Variants in ZNF407 observed in about 807,000 individuals in gnomAD.
The protein encoded by ZNF407 is zinc finger protein 407.
ZNF407 carries 17 observed loss-of-function variants against 131.2 expected under a neutral mutation model. That is an observed-to-expected ratio of 0.13 (90% CI 0.09 to 0.19). The LOEUF is 0.19. Ranked by LOEUF, ZNF407 falls within the 10% of genes least tolerant of loss-of-function variation. The probability of loss-of-function intolerance (pLI) is 1.00; values close to 1 mark genes in which losing one functional copy is unlikely to be tolerated. For synonymous variants in ZNF407, 1,156 were observed against 1,062.0 expected (o/e 1.09, Z -1.72); for missense variants, 2,681 against 2,830.6 (o/e 0.95, Z 1.20).
intron 3 of ZNF407, among the ~76,000 whole-genome samples, chr18:74,684,538 G>T (rs1423882025): frequency 6.6e-6 from 1 of 152,186 alleles, no homozygotes; most frequent in East Asian, 1.9e-4. Context: ...GCACAATTCA[G>T]TGGGAAACTT....
intron 7 of ZNF407, among the ~76,000 whole-genome samples, chr18:74,920,242 A>G (rs1401223470): frequency 6.6e-6 from 1 of 152,164 alleles, no homozygotes; most frequent in Non-Finnish European, 1.5e-5. Flanking sequence ...TGGTACCAGA[A>G]TAATTTGATA....
At chr18:75,041,052 C>G (rs1973366654) in intron 8 of ZNF407, among the ~76,000 whole-genome samples, 2 of 152,194 alleles carry the variant, frequency 1.3e-5, no homozygotes, top group African/African-American at 4.8e-5. Context: ...GCCAAGCATG[C>G]ACTACGGGGC....
chr18:74,992,767 A>G (rs1972733816), intron 8 of ZNF407, among the ~76,000 whole-genome samples: 2 of 152,230 alleles, frequency 1.3e-5, no homozygotes, highest in South Asian at 4.1e-4. Context: ...GATTTTTGGG[A>G]TGGGCACAAA....
chr18:74,926,058 A>G (rs1199851054), intron 8 of ZNF407, among the ~76,000 whole-genome samples: 3 of 152,142 alleles, frequency 2.0e-5, no homozygotes, highest in Non-Finnish European at 4.4e-5. Context: ...TGATTCTTTA[A>G]CCTCAGACAT....
intron 4 of ZNF407, among the ~76,000 whole-genome samples, chr18:74,827,205 T>A (rs1184743301): frequency 2.6e-5 from 4 of 152,172 alleles, no homozygotes; most frequent in South Asian, 4.1e-4. Flanking sequence ...AGTATGTATT[T>A]TGGTATTGAA....
chr18:74,849,521 T>A (rs1464157572), intron 4 of ZNF407, among the ~76,000 whole-genome samples: 3 of 152,122 alleles, frequency 2.0e-5, no homozygotes, highest in Non-Finnish European at 4.4e-5. Flanking sequence ...AAGTGTGTGG[T>A]CAGGGGTGGG....
rs997114488 is a variant in ZNF407, at chr18:74,831,376, G to C, written c.4878-45821G>C. Among the ~76,000 whole-genome samples the C allele has an allele frequency of 1.2e-4, 19 of 152,220 alleles. No individual in the cohort carries two copies. In the South Asian group the frequency reaches 3.1e-3, roughly 25 times the overall value. ...CCATCTCTTGAACTGTTTTCTTCTT[G>C]CAAAATGGAAACTGTGTATCCTTTA... On this transcript the variant is annotated intron_variant, in intron 4 of 8. Transcript: ENST00000299687.
chr18:74,731,266 T>C (rs1215611430), intron 3 of ZNF407, among the ~76,000 whole-genome samples: 1 of 152,208 alleles, frequency 6.6e-6, no homozygotes, highest in East Asian at 1.9e-4. Flanking sequence ...TAAGCTTCCT[T>C]TAATTTAGAA....
chr18:74,858,436 C>T (rs1018812495), intron 4 of ZNF407, among the ~76,000 whole-genome samples: 1 of 152,160 alleles, frequency 6.6e-6, no homozygotes, highest in Non-Finnish European at 1.5e-5. Flanking sequence ...GGTAGCCATA[C>T]TACCTATCCT....
intron 8 of ZNF407, among the ~76,000 whole-genome samples, chr18:74,978,618 C>G (rs920989141): frequency 2.0e-5 from 3 of 151,264 alleles, no homozygotes; most frequent in African/African-American, 7.3e-5. Context: ...GGCTCTTTAG[C>G]GAGGAGGGAC....
chr18:74,743,786 T>G (rs1026858077), intron 3 of ZNF407, among the ~76,000 whole-genome samples: 1 of 152,028 alleles, frequency 6.6e-6, no homozygotes, highest in Non-Finnish European at 1.5e-5. Flanking sequence ...ATATTGTGAT[T>G]TATTAAAGGC....
intron 7 of ZNF407, among the ~76,000 whole-genome samples, chr18:74,918,844 T>C (rs1401471300): frequency 2.0e-5 from 3 of 152,222 alleles, no homozygotes; most frequent in Admixed American, 2.0e-4. Flanking sequence ...TGTATTTCTT[T>C]CTAGTCTTTT....
intron 8 of ZNF407, among the ~76,000 whole-genome samples, chr18:74,989,232 A>G (rs1462087114): frequency 6.6e-6 from 1 of 152,250 alleles, no homozygotes; most frequent in East Asian, 1.9e-4. Context: ...GATTCAATTT[A>G]TGAAGCTCTG....
At chr18:74,823,891 C>T (rs1478603463) in intron 4 of ZNF407, among the ~76,000 whole-genome samples, 1 of 152,158 alleles carries the variant, frequency 6.6e-6, no homozygotes, top group Non-Finnish European at 1.5e-5. Flanking sequence ...CTCTCCACCC[C>T]AAATCAACAG....
At chr18:74,645,445 G>A (rs1984926806) in intron 3 of ZNF407, among the ~76,000 whole-genome samples, 1 of 152,076 alleles carries the variant, frequency 6.6e-6, no homozygotes, top group South Asian at 2.1e-4. Flanking sequence ...TGATTCTTGT[G>A]TATGGAGTTA....
chr18:75,029,305 A>G (rs1442589673), intron 8 of ZNF407, among the ~76,000 whole-genome samples: 1 of 152,170 alleles, frequency 6.6e-6, no homozygotes, highest in Admixed American at 6.5e-5. Context: ...GCTCAGTGCT[A>G]TTTCTTGTGA....
At chr18:74,919,440 G>A (rs547762754) in intron 7 of ZNF407, among the ~76,000 whole-genome samples, 4 of 152,272 alleles carry the variant, frequency 2.6e-5, no homozygotes, top group East Asian at 1.9e-4. Context: ...GCTGACTACC[G>A]TTTCCTGATC....
chr18:74,844,238 G>A (rs968158043), intron 4 of ZNF407, among the ~76,000 whole-genome samples: 9 of 151,942 alleles, frequency 5.9e-5, no homozygotes, highest in African/African-American at 2.2e-4. Context: ...CATGGCGTGA[G>A]CTTCTCAGAA....
chr18:74,969,347 T>C (rs1972445514), intron 8 of ZNF407, among the ~76,000 whole-genome samples: 1 of 152,224 alleles, frequency 6.6e-6, no homozygotes, highest in Non-Finnish European at 1.5e-5. Context: ...ATCCAGGACA[T>C]TTTGTCTATT....
Sources: allele counts gnomAD v4.1 joint callset (sites outside exome capture counted in the v4.1 genomes callset), GRCh38; gene constraint gnomAD v4.1.1; transcripts MANE v1.5; gene names NCBI Gene and HGNC (gene_info 2026-07-23, HGNC 2026-07-21).